Variants in CDH11 observed in about 807,000 individuals in gnomAD.
CDH11 encodes the protein cadherin-11.
In CDH11, 11 loss-of-function variants were observed where a neutral mutation model predicts 67.8. The observed-to-expected ratio is 0.16, with a 90% CI of 0.10 to 0.27. The LOEUF (loss-of-function observed/expected upper bound fraction) is 0.27. CDH11 is among the 10% of genes least tolerant of loss of function. The pLI is 1.00. For synonymous variants in CDH11, 419 were observed against 400.0 expected, an observed-to-expected ratio of 1.05 and a Z score of -0.57; for missense variants, 847 against 1,031.2, an observed-to-expected ratio of 0.82 and a Z score of 2.45.
At chr16:64,948,125 G>T in intron 12 of CDH11, 26 bp from the exon 13 acceptor site, 4 of 1,598,070 alleles carry the variant, frequency 2.5e-6, no homozygotes, top group Non-Finnish European at 3.4e-6. Context: ...AAGAAGGTAA[G>T]CATTCGTTAA....
intron 1 of CDH11, among the ~76,000 whole-genome samples, chr16:65,120,141 G>T (rs1567591431): frequency 6.6e-6 from 1 of 152,114 alleles, no homozygotes; most frequent in Non-Finnish European, 1.5e-5. Context: ...TTTCTGTTCT[G>T]GTGTCTGCAC....
intron 8 of CDH11, among the ~76,000 whole-genome samples, chr16:64,978,215 A>G (rs553823766): frequency 1.3e-5 from 2 of 152,298 alleles, no homozygotes; most frequent in East Asian, 1.9e-4. Context: ...AAGCCAAATC[A>G]GGAGTTATTT....
At chr16:65,117,215 G>A (rs944344500) in intron 1 of CDH11, among the ~76,000 whole-genome samples, 2 of 152,056 alleles carry the variant, frequency 1.3e-5, no homozygotes, top group African/African-American at 4.8e-5. Flanking sequence ...AACTGTCTAC[G>A]CATTCCAACA....
intron 12 of CDH11, chr16:64,948,818 G>A: frequency 6.8e-7 from 1 of 1,465,254 alleles, no homozygotes; most frequent in Non-Finnish European, 9.3e-7. Context: ...CATTTATAAG[G>A]AAAGTTCAGG....
chr16:64,947,881 T>C lies in CDH11; in HGVS notation c.2113A>G (p.Arg705Gly), dbSNP rs1271346633. The change falls in exon 13 of 13, where the codon AGA (arginine) becomes GGA (glycine). Residue 705 changes from arginine (R) to glycine (G), a missense_variant. Transcript: ENST00000268603. The part of the protein sequence containing the change: ...DIKPEYQYMP[R>G]PGLRPAPNSV... ...TTGGGCGCTGGCCGGAGCCCAGGTCTAGGCATGTACTGATACTCAGGTTTG... is the reference window on the plus strand; with the variant it reads ...TTGGGCGCTGGCCGGAGCCCAGGTCCAGGCATGTACTGATACTCAGGTTTG... 1.2e-6 allele frequency: 2 copies of C among 1,614,226 alleles called. No individual in the cohort carries two copies. The highest frequency in any genetic ancestry group is 2.2e-5 in the South Asian group (2 of 91,080).
At chr16:65,012,941 G>A (rs2073213160) in intron 2 of CDH11, among the ~76,000 whole-genome samples, 1 of 152,184 alleles carries the variant, frequency 6.6e-6, no homozygotes, top group Non-Finnish European at 1.5e-5. Flanking sequence ...AGATTCTAGT[G>A]ATCTAGCTTA....
chr16:65,102,401 A>C (rs536138659), intron 1 of CDH11, among the ~76,000 whole-genome samples: 28 of 152,196 alleles, frequency 1.8e-4, no homozygotes, highest in Non-Finnish European at 2.8e-4. Context: ...ACTCTCCTAA[A>C]AAAAAGTCAC....
intron 11 of CDH11, among the ~76,000 whole-genome samples, chr16:64,953,082 T>C (rs1483424954): frequency 2.0e-5 from 3 of 152,094 alleles, no homozygotes; most frequent in African/African-American, 7.2e-5. Flanking sequence ...GCCATGTAAA[T>C]AGTTATGATA....
chr16:64,951,125 C>G, intron 11 of CDH11, 107 bp from the exon 12 acceptor site: 1 of 1,114,892 alleles, frequency 9.0e-7, no homozygotes, highest in South Asian at 1.5e-5. Flanking sequence ...AAAGGTTAAC[C>G]GCCAGAATCG....
In CDH11 at chr16:65,110,343, T is replaced by C. The variant is rs7204424; in HGVS notation, c.-298+11537A>G. On this transcript the variant is annotated intron_variant, in intron 1 of 12. Coordinates refer to ENST00000268603, the MANE Select transcript of CDH11 (RefSeq NM_001797.4). Reference sequence around the variant, plus strand: ...GGATATGTAGGGAAATGAAAACTTTTGGGTTTCTTAGTTGAAAGCAACAGA... The same window carrying C: ...GGATATGTAGGGAAATGAAAACTTTCGGGTTTCTTAGTTGAAAGCAACAGA... 6.6e-3 allele frequency among the ~76,000 whole-genome samples: 1,012 copies of C among 152,236 alleles called. 15 individuals carry two copies. Among genetic ancestry groups the C allele is most frequent in the African/African-American group, 0.023 (961 of 41,528 alleles).
At chr16:64,962,033 T>C (rs931317142) in intron 11 of CDH11, among the ~76,000 whole-genome samples, 8 of 152,132 alleles carry the variant, frequency 5.3e-5, no homozygotes, top group Non-Finnish European at 1.5e-5. Flanking sequence ...TGTTATGATA[T>C]AGCACATATT....
intron 2 of CDH11, among the ~76,000 whole-genome samples, chr16:65,021,476 A>T (rs768549395): frequency 2.6e-5 from 4 of 152,052 alleles, no homozygotes; most frequent in Non-Finnish European, 4.4e-5. Flanking sequence ...CAATTCAGTC[A>T]TCTGAGAAGA....
At chr16:65,072,942 C>A (rs1020187045) in intron 1 of CDH11, among the ~76,000 whole-genome samples, 6 of 152,190 alleles carry the variant, frequency 3.9e-5, no homozygotes, top group Non-Finnish European at 7.3e-5. Flanking sequence ...TCATGCAATG[C>A]ACTCAGCACA....
chr16:65,016,429 T>TTAGACAGG (rs2073310536), intron 2 of CDH11, among the ~76,000 whole-genome samples: 1 of 152,194 alleles, frequency 6.6e-6, no homozygotes. Flanking sequence ...GGAACACTTC[T>TTAGACAGG]TAGACAGGCA....
chr16:65,004,779 G>A lies in CDH11; in HGVS notation c.91C>T (p.Leu31=), dbSNP rs2073009966. ...TGGTGCCCATGGAAGGAGGGCCGCA[G>A]GTGCCCCCGCCGCTCTGGGGCAAAG... The part of the protein sequence containing the change: ...HAFAPERRGH[L]RPSFHGHHEK... The change falls in exon 3 of 13, where the codon CTG becomes TTG. Residue 31 remains leucine, a synonymous_variant. Coordinates refer to ENST00000268603, the MANE Select transcript of CDH11 (RefSeq NM_001797.4). 6.3e-7 allele frequency: 1 copy of A among 1,584,114 alleles called. No homozygotes were observed. The highest frequency in any genetic ancestry group is 8.6e-7 in the Non-Finnish European group (1 of 1,163,158).
chr16:65,078,525 A>T (rs2074555513), intron 1 of CDH11, among the ~76,000 whole-genome samples: 1 of 152,182 alleles, frequency 6.6e-6, no homozygotes, highest in African/African-American at 2.4e-5. Flanking sequence ...TAAATACATC[A>T]TTGAATACAA....
At chr16:65,007,680 G>A (rs1008137508) in intron 2 of CDH11, among the ~76,000 whole-genome samples, 1 of 152,150 alleles carries the variant, frequency 6.6e-6, no homozygotes, top group African/African-American at 2.4e-5. Context: ...GTCTCACTCT[G>A]TAAACTGAAG....
intron 1 of CDH11, among the ~76,000 whole-genome samples, chr16:65,060,040 C>T (rs1036094995): frequency 1.6e-4 from 25 of 152,190 alleles, no homozygotes; most frequent in African/African-American, 5.5e-4. Flanking sequence ...CTACTACACG[C>T]CATCGGTATT....
intron 2 of CDH11, among the ~76,000 whole-genome samples, chr16:65,012,654 T>G (rs1440045579): frequency 1.3e-5 from 2 of 152,252 alleles, no homozygotes; most frequent in Middle Eastern, 3.2e-3. Context: ...GCTGTCTTCA[T>G]GGAGCCCACC....
Sources: allele counts gnomAD v4.1 joint callset (sites outside exome capture counted in the v4.1 genomes callset), GRCh38; gene constraint gnomAD v4.1.1; transcripts MANE v1.5; gene names NCBI Gene and HGNC (gene_info 2026-07-23, HGNC 2026-07-21).